Variants in UNC13C observed in about 807,000 individuals in gnomAD.
UNC13C encodes protein unc-13 homolog C.
A neutral mutation model predicts 245.4 loss-of-function variants in UNC13C; 174 were observed. That is an observed-to-expected ratio of 0.71 (90% CI 0.63 to 0.80). The LOEUF (loss-of-function observed/expected upper bound fraction) is 0.80. Ranked by LOEUF, UNC13C falls within the 30% of genes least tolerant of loss-of-function variation. The pLI is 0.00. For synonymous variants in UNC13C, 992 were observed against 895.1 expected (o/e 1.11, Z -1.93); for missense variants, 2,829 against 2,602.9 (o/e 1.09, Z -1.89).
chr15:53,995,412 G>A (rs180772647), intron 1 of UNC13C, among the ~76,000 whole-genome samples: 3 of 152,104 alleles, frequency 2.0e-5, no homozygotes, highest in South Asian at 4.2e-4. Context: ...TCCCTCTGGG[G>A]CCATCTGGTC....
chr15:53,970,774 T>C, the UNC13C span, among the ~76,000 whole-genome samples: 1 of 152,122 alleles, frequency 6.6e-6, no homozygotes, highest in Admixed American at 6.5e-5. Flanking sequence ...GCAACCACCA[T>C]GGCACATGTT....
intron 1 of UNC13C, among the ~76,000 whole-genome samples, chr15:53,990,329 G>T (rs950777586): frequency 6.6e-6 from 1 of 151,896 alleles, no homozygotes; most frequent in East Asian, 1.9e-4. Flanking sequence ...AATGAATACA[G>T]AATTATAAAA....
chr15:54,076,616 G>A (rs1898641648), intron 2 of UNC13C, among the ~76,000 whole-genome samples: 1 of 117,044 alleles, frequency 8.5e-6, no homozygotes, highest in South Asian at 2.4e-4. Context: ...AATAGAATAG[G>A]AGGTTGCTGG....
intron 13 of UNC13C, among the ~76,000 whole-genome samples, chr15:54,313,028 A>G (rs1386882683): frequency 5.9e-5 from 9 of 151,692 alleles, no homozygotes; most frequent in Non-Finnish European, 1.3e-4. Context: ...GCTTAGAGGG[A>G]TTGAGTCAGG....
At position 53,983,270 on chromosome 15, in the gene UNC13C, G is replaced by C. The variant is rs117718423; in HGVS notation, c.-257+4343G>C. Among the ~76,000 whole-genome samples the C allele has an allele frequency of 4.3e-4, 65 of 152,158 alleles. No individual in the cohort carries two copies. The East Asian group carries it at 0.012, about 29-fold the overall frequency. Reference sequence around the variant, plus strand: ...TATGTACCTACTGTACTTAGTTACTGGAATAGATTGACTCTCTCCAGTGCC... The same window carrying C: ...TATGTACCTACTGTACTTAGTTACTCGAATAGATTGACTCTCTCCAGTGCC... On this transcript the variant is annotated intron_variant, in intron 1 of 32. Transcript: ENST00000260323.
chr15:54,524,308 C>T (rs1895353688), intron 24 of UNC13C, among the ~76,000 whole-genome samples: 1 of 152,030 alleles, frequency 6.6e-6, no homozygotes, highest in African/African-American at 2.4e-5. Context: ...AGAGCTGTCA[C>T]CATAACTGAT....
At chr15:54,169,822 A>G (rs1488031179) in intron 4 of UNC13C, among the ~76,000 whole-genome samples, 2 of 152,050 alleles carry the variant, frequency 1.3e-5, no homozygotes, top group Non-Finnish European at 2.9e-5. Context: ...TCTATAGTTT[A>G]TATTAGTTCC....
chr15:54,346,984 C>A (rs939125570), intron 17 of UNC13C, among the ~76,000 whole-genome samples: 1 of 152,126 alleles, frequency 6.6e-6, no homozygotes, highest in Non-Finnish European at 1.5e-5. Context: ...TATACTCTCC[C>A]AGGTGAACAT....
At chr15:54,244,313 T>C (rs1431156325) in intron 7 of UNC13C, among the ~76,000 whole-genome samples, 1 of 152,206 alleles carries the variant, frequency 6.6e-6, no homozygotes, top group Non-Finnish European at 1.5e-5. Context: ...ATTTCTCTAT[T>C]CCATTTCATT....
chr15:54,034,447 A>G (rs1896488506), intron 2 of UNC13C, among the ~76,000 whole-genome samples: 2 of 152,258 alleles, frequency 1.3e-5, no homozygotes, highest in South Asian at 4.1e-4. Context: ...AAAGAAATCT[A>G]TTTGAATTAG....
chr15:54,612,635 C>G (rs1285422865), intron 30 of UNC13C, among the ~76,000 whole-genome samples: 1 of 151,976 alleles, frequency 6.6e-6, no homozygotes, highest in Non-Finnish European at 1.5e-5. Flanking sequence ...TGACTCCATT[C>G]ATTTACTCTA....
At chr15:54,536,861 C>G (rs1896004641) in intron 26 of UNC13C, among the ~76,000 whole-genome samples, 1 of 152,034 alleles carries the variant, frequency 6.6e-6, no homozygotes, top group Non-Finnish European at 1.5e-5. Flanking sequence ...ATGACAAACC[C>G]ACAACCAACA....
At chr15:54,505,259 A>G (rs954237224) in intron 22 of UNC13C, among the ~76,000 whole-genome samples, 1 of 152,172 alleles carries the variant, frequency 6.6e-6, no homozygotes, top group African/African-American at 2.4e-5. Flanking sequence ...CAGAAGTCTT[A>G]TGTTCCAGGC....
At position 54,118,405 on chromosome 15, in the gene UNC13C, G is replaced by A. The variant is rs1248090892; in HGVS notation, c.2984-24613G>A. Among the ~76,000 whole-genome samples, 4 of 151,626 alleles carry A rather than the reference G, an allele frequency of 2.6e-5. No homozygotes were observed. The East Asian group carries it at 5.8e-4, about 22-fold the overall frequency. On this transcript the variant is annotated intron_variant, in intron 2 of 32. Coordinates refer to ENST00000260323, the MANE Select transcript of UNC13C (RefSeq NM_001080534.3). ...ATTGATCCCTAAGTATTTTCTTCTT[G>A]TAGCTATTTTAATTGGATTGCTTTC...
chr15:54,429,860 T>C (rs2040836769), intron 19 of UNC13C, among the ~76,000 whole-genome samples: 1 of 151,652 alleles, frequency 6.6e-6, no homozygotes, highest in Admixed American at 6.6e-5. Context: ...AAAAGTAATA[T>C]AGTTGTGGAT....
chr15:54,280,582 GTCTC>G (rs142372612), intron 10 of UNC13C, among the ~76,000 whole-genome samples: 9 of 147,044 alleles, frequency 6.1e-5, no homozygotes, highest in East Asian at 2.0e-4. Flanking sequence ...AAAACCCATT[GTCTC>G]TCTCTCTCTC....
the UNC13C span, among the ~76,000 whole-genome samples, chr15:53,925,142 T>C: frequency 3.3e-5 from 5 of 152,184 alleles, no homozygotes; most frequent in African/African-American, 4.8e-5. Flanking sequence ...ATTTTGTGTC[T>C]TTAATGGAGG....
intron 4 of UNC13C, among the ~76,000 whole-genome samples, chr15:54,171,793 T>C (rs1164398495): frequency 6.6e-6 from 1 of 152,112 alleles, no homozygotes; most frequent in Non-Finnish European, 1.5e-5. Context: ...TTCAAAGAGA[T>C]ATCTGTATTC....
the UNC13C span, among the ~76,000 whole-genome samples, chr15:53,877,892 T>C: frequency 1.3e-5 from 2 of 152,340 alleles, no homozygotes; most frequent in South Asian, 2.1e-4. Context: ...ATAGATTCAT[T>C]TGGACATTCT....
Sources: allele counts gnomAD v4.1 joint callset (sites outside exome capture counted in the v4.1 genomes callset), GRCh38; gene constraint gnomAD v4.1.1; transcripts MANE v1.5; gene names NCBI Gene and HGNC (gene_info 2026-07-23, HGNC 2026-07-21).